MAP6: variants seen among roughly 807,000 people sequenced by gnomAD.
MAP6 encodes microtubule associated protein 6, also known as microtubule-associated protein 6.
Under a neutral mutation model 42.4 loss-of-function variants are expected in MAP6, and 26 were observed. That is an observed-to-expected ratio of 0.61 (90% CI 0.45 to 0.85). MAP6 has a LOEUF of 0.85. MAP6 is among the 40% of genes least tolerant of loss of function. The pLI is 0.00. For synonymous variants in MAP6, 418 were observed against 443.8 expected, an observed-to-expected ratio of 0.94 and a Z score of 0.73; for missense variants, 966 against 1,099.0, an observed-to-expected ratio of 0.88 and a Z score of 1.71.
At chr11:75,614,825 G>C (rs937667227) in intron 1 of MAP6, among the ~76,000 whole-genome samples, 1 of 152,138 alleles carries the variant, frequency 6.6e-6, no homozygotes, top group African/African-American at 2.4e-5. Context: ...CATCAAAAAG[G>C]GTTTAAAATA....
rs201404297 is a variant in MAP6 at position 75,588,069 on chromosome 11, C to A, written c.1432G>T (p.Val478Leu). The A allele has an allele frequency of 6.2e-7, 1 of 1,614,014 alleles. No homozygotes were observed. Among genetic ancestry groups the A allele is most frequent in the Non-Finnish European group, 8.5e-7 (1 of 1,180,024 alleles). Residue 478 changes from valine to leucine, a missense_variant, in exon 4 of 4, where the codon GTG (valine) becomes TTG (leucine). Transcript: ENST00000304771. ...PGLLKGQGPM[V>L]QEPLKKQGSV... ...CCTTGCTTCTTCAGAGGCTCTTGCACCATAGGACCTTGACCTTTCAGAAGG... is the reference window on the plus strand; with the variant it reads ...CCTTGCTTCTTCAGAGGCTCTTGCAACATAGGACCTTGACCTTTCAGAAGG...
rs1461655564 is a variant in MAP6 at position 75,655,448 on chromosome 11, C to T, written c.905+12017G>A. On this transcript the variant is annotated intron_variant, in intron 1 of 3. Transcript: ENST00000304771. ...CCTGCTGAGGTCCATATGATTTTAACGTGCAGCCAGGGCTGAGAATACCCA... is the reference window on the plus strand; with the variant it reads ...CCTGCTGAGGTCCATATGATTTTAATGTGCAGCCAGGGCTGAGAATACCCA... Among the ~76,000 whole-genome samples the T allele has an allele frequency of 3.9e-5, 6 of 152,288 alleles. No individual in the cohort carries two copies. The South Asian group carries it at 6.2e-4, about 16-fold the overall frequency.
chr11:75,664,346 A>G (rs1352065895), intron 1 of MAP6, among the ~76,000 whole-genome samples: 2 of 152,254 alleles, frequency 1.3e-5, no homozygotes, highest in Non-Finnish European at 2.9e-5. Context: ...TCTCAAAACC[A>G]TAATGTCAAA....
chr11:75,628,125 G>T (rs908416826), intron 1 of MAP6, among the ~76,000 whole-genome samples: 3 of 152,192 alleles, frequency 2.0e-5, no homozygotes, highest in Non-Finnish European at 4.4e-5. Flanking sequence ...GAGGGAGAGA[G>T]AAATGGTTGT....
At chr11:75,599,622 G>A (rs896118338) in intron 3 of MAP6, among the ~76,000 whole-genome samples, 7 of 152,190 alleles carry the variant, frequency 4.6e-5, no homozygotes, top group Non-Finnish European at 1.0e-4. Context: ...AAGATTTAAA[G>A]AGGGTACTAG....
At chr11:75,614,854 G>A (rs1278630099) in intron 1 of MAP6, among the ~76,000 whole-genome samples, 1 of 152,210 alleles carries the variant, frequency 6.6e-6, no homozygotes, top group Non-Finnish European at 1.5e-5. Context: ...ATCTCAGCAA[G>A]ACAGAAAATA....
intron 1 of MAP6, among the ~76,000 whole-genome samples, chr11:75,625,717 C>T (rs1038614482): frequency 6.6e-6 from 1 of 152,134 alleles, no homozygotes; most frequent in Non-Finnish European, 1.5e-5. Flanking sequence ...CAAAAAGAAT[C>T]CCACAACTTT....
chr11:75,668,389 G>T lies in MAP6; in HGVS notation c.-20C>A. 4 of 1,562,882 alleles carry T rather than the reference G, an allele frequency of 2.6e-6. No homozygotes were observed. Among genetic ancestry groups the T allele is most frequent in the Middle Eastern group, 1.7e-4 (1 of 5,922 alleles). On this transcript the variant is annotated 5_prime_UTR_variant, in exon 1 of 4. Transcript: ENST00000304771. ...CGCCATGATGCTAGCTGAAAAGCCG[G>T]CCTCCTCTTTCTTCTTGTGGTTCTA... is the stretch of plus-strand genomic sequence containing the variant.
intron 1 of MAP6, among the ~76,000 whole-genome samples, chr11:75,646,416 C>G (rs973657483): frequency 1.5e-5 from 2 of 132,142 alleles, no homozygotes; most frequent in Non-Finnish European, 3.2e-5. Context: ...AATCCCAGCA[C>G]TTTGGGAGGC....
intron 2 of MAP6, chr11:75,607,717 A>T: frequency 1.0e-6 from 1 of 981,788 alleles, no homozygotes; most frequent in Non-Finnish European, 1.2e-6. Flanking sequence ...GTCTGGTGGG[A>T]GGGGAGCCGG....
chr11:75,587,168 G>A lies in MAP6; in HGVS notation c.2333C>T (p.Pro778Leu). 1.2e-6 allele frequency: 2 copies of A among 1,614,122 alleles called. No homozygotes were observed. Among genetic ancestry groups the A allele is most frequent in the South Asian group, 1.1e-5 (1 of 91,076 alleles). Reference protein sequence around the residue: ...AKDQGPAVPEPLKTQGPRDPQ... With the variant: ...AKDQGPAVPELLKTQGPRDPQ... ...GTCCCTGGGACCTTGAGTCTTCAGA[G>A]GTTCAGGGACTGCAGGACCTTGGTC... Residue 778 changes from proline to leucine, a missense_variant, in exon 4 of 4, where the codon CCT becomes CTT. Pro to Leu is a moderately conservative substitution (Grantham distance 98). This residue lies in a region of MAP6 where 943 missense variants were observed against 1,049.9 expected (regional missense o/e 0.90). Coordinates refer to ENST00000304771, the MANE Select transcript of MAP6 (RefSeq NM_033063.2).
intron 1 of MAP6, among the ~76,000 whole-genome samples, chr11:75,652,802 G>T (rs2135680721): frequency 6.7e-6 from 1 of 148,920 alleles, no homozygotes; most frequent in East Asian, 2.0e-4. Context: ...TCATGCCACT[G>T]CACTCTAGCC....
At chr11:75,618,107 CTTT>C (rs111520372) in intron 1 of MAP6, among the ~76,000 whole-genome samples, 251 of 108,896 alleles carry the variant, frequency 2.3e-3, no homozygotes, top group East Asian at 0.014. Flanking sequence ...TAAGTTTCTG[CTTT>C]TTTTTTTTTT....
chr11:75,607,637 A>C, intron 2 of MAP6: 1 of 985,388 alleles, frequency 1.0e-6, no homozygotes. Flanking sequence ...GAGAGAGGGC[A>C]GGTGCTTTTC....
intron 1 of MAP6, chr11:75,638,603 A>G (rs919286116): frequency 6.6e-6 from 1 of 152,180 alleles, no homozygotes; most frequent in Non-Finnish European, 1.5e-5. Context: ...AAACAATGAG[A>G]TACCACCACA....
intron 3 of MAP6, among the ~76,000 whole-genome samples, chr11:75,590,237 T>G (rs1239938651): frequency 6.6e-6 from 1 of 152,136 alleles, no homozygotes; most frequent in Non-Finnish European, 1.5e-5. Flanking sequence ...GGAAATTGAT[T>G]AGGTGTATTC....
At position 75,668,206 on chromosome 11, in the gene MAP6, G is replaced by T. The variant is rs1455120856; in HGVS notation, c.164C>A (p.Pro55Gln). The change falls in exon 1 of 4, where the codon CCG becomes CAG. Residue 55 changes from proline (P) to glutamine (Q), a missense_variant. Pro to Gln is a moderately conservative substitution (Grantham distance 76). Coordinates refer to ENST00000304771, the MANE Select transcript of MAP6 (RefSeq NM_033063.2). ...QPPPPQQQAQ[P>Q]ALAPPSARAV... is the part of the protein sequence containing the mutation. ...GCGCGCCGAGGGGGGCGCGAGCGCC[G>T]GCTGCGCCTGCTGCTGCGGCGGCGG... is the stretch of plus-strand genomic sequence containing the variant. The T allele has an allele frequency of 1.6e-6, 2 of 1,284,678 alleles. No homozygotes were observed. Among genetic ancestry groups the T allele is most frequent in the Non-Finnish European group, 9.8e-7 (1 of 1,024,024 alleles). 79.6% of individuals were successfully genotyped at this position (1,284,678 alleles called of 1,614,324 possible). A position where few individuals can be genotyped will look rare whatever the true frequency, so the allele number is the denominator to read the frequency against.
intron 1 of MAP6, among the ~76,000 whole-genome samples, chr11:75,638,915 G>A (rs1030639214): frequency 6.6e-6 from 1 of 152,188 alleles, no homozygotes; most frequent in African/African-American, 2.4e-5. Flanking sequence ...TCCATCAACA[G>A]ATGAGCGGAT....
chr11:75,661,783 C>T (rs1943851773), intron 1 of MAP6, among the ~76,000 whole-genome samples: 1 of 152,000 alleles, frequency 6.6e-6, no homozygotes, highest in Admixed American at 6.5e-5. Context: ...TTTGTTATCA[C>T]CTACTATTTG....
Sources: allele counts gnomAD v4.1 joint callset (sites outside exome capture counted in the v4.1 genomes callset), GRCh38; gene constraint gnomAD v4.1.1; regional missense constraint gnomAD v4.1.1; transcripts MANE v1.5; gene names NCBI Gene and HGNC (gene_info 2026-07-23, HGNC 2026-07-21).